WDR72: variants seen among roughly 807,000 people sequenced by gnomAD.
WDR72 encodes WD repeat-containing protein 72.
WDR72 carries 120 observed loss-of-function variants against 124.2 expected under a neutral mutation model. The ratio of observed to expected loss-of-function variants is 0.97; its 90% CI spans 0.83 to 1.12. The LOEUF is 1.12. WDR72 is among the 50% of genes most tolerant of loss of function. The probability of loss-of-function intolerance (pLI) is 0.00; values close to 1 mark genes in which losing one functional copy is unlikely to be tolerated. For missense variants in WDR72, 1,387 were observed against 1,278.8 expected (o/e 1.08, Z -1.29); for synonymous variants, 452 against 441.7 (o/e 1.02, Z -0.29).
At chr15:53,534,021 T>G (rs1029629792) in intron 18 of WDR72, among the ~76,000 whole-genome samples, 6 of 152,186 alleles carry the variant, frequency 3.9e-5, no homozygotes, top group African/African-American at 7.2e-5. Context: ...TTTTGAGACT[T>G]TGAGGCTGAT....
At chr15:53,557,251 T>C (rs908095503) in intron 18 of WDR72, among the ~76,000 whole-genome samples, 3 of 152,140 alleles carry the variant, frequency 2.0e-5, no homozygotes, top group African/African-American at 4.8e-5. Flanking sequence ...TTCTTGCCTG[T>C]TTTCTAAGTG....
intron 18 of WDR72, among the ~76,000 whole-genome samples, chr15:53,546,294 G>T (rs915500645): frequency 4.6e-5 from 7 of 152,116 alleles, no homozygotes; most frequent in African/African-American, 1.7e-4. Flanking sequence ...ACTGGATTAA[G>T]AAAATGTGGC....
intron 2 of WDR72, among the ~76,000 whole-genome samples, chr15:53,726,685 T>C (rs554920662): frequency 6.6e-6 from 1 of 151,900 alleles, no homozygotes; most frequent in African/African-American, 2.4e-5. Context: ...CTACAAATAA[T>C]TTTAAAAAAT....
chr15:53,639,542 A>AATTTTACTTATTTATAAAATTATAT lies in WDR72; in HGVS notation c.1963-23300_1963-23299insATATAATTTTATAAATAAGTAAAAT, dbSNP rs1566998303. ...TTTATTTATTTATAAAATTATATAT[A>AATTTTACTTATTTATAAAATTATAT]ATTTTATTTATTTATAAAATTATAT... On this transcript the variant is annotated intron_variant, in intron 14 of 19. Coordinates refer to ENST00000360509, the MANE Select transcript of WDR72 (RefSeq NM_182758.4). Among the ~76,000 whole-genome samples the AATTTTACTTATTTATAAAATTATAT allele has an allele frequency of 1.8e-4, 26 of 145,746 alleles. No individual in the cohort carries two copies. In the South Asian group the frequency reaches 5.5e-3, roughly 31 times the overall value.
chr15:53,746,153 C>A (rs2140888085), intron 1 of WDR72, among the ~76,000 whole-genome samples: 1 of 152,302 alleles, frequency 6.6e-6, no homozygotes, highest in Admixed American at 6.5e-5. Context: ...GGAAGGACAA[C>A]ACGCCATTAC....
In WDR72 at chr15:53,730,947, G is replaced by C. The variant is rs776750114; in HGVS notation, c.153+2050C>G. On this transcript the variant is annotated intron_variant, in intron 2 of 19. Coordinates refer to ENST00000360509, the MANE Select transcript of WDR72 (RefSeq NM_182758.4). The stretch of plus-strand genomic sequence containing the variant: ...GCTAATAGTTGATTAGTTGCAATGT[G>C]GGGGGGCAAGATTCATGGGAAAATA... 5.2e-5 allele frequency among the ~76,000 whole-genome samples: 7 copies of C among 135,058 alleles called. No homozygotes were observed. In the East Asian group the frequency reaches 7.7e-4, roughly 15 times the overall value. The allele number at this position is 135,058 out of a possible 152,430, so 88.6% of individuals were successfully genotyped here.
intron 18 of WDR72, among the ~76,000 whole-genome samples, chr15:53,578,987 A>G (rs2011772283): frequency 1.3e-5 from 2 of 152,114 alleles, no homozygotes. Flanking sequence ...GCAGGGAAGA[A>G]ATCGTTGCAA....
Position 53,708,686 on chromosome 15 carries a change from C to G in WDR72, c.954+2171G>C, listed in dbSNP as rs373401848. Among the ~76,000 whole-genome samples the G allele has an allele frequency of 3.6e-4, 55 of 152,258 alleles. 3 individuals are homozygous for G. The highest frequency in any genetic ancestry group is 2.3e-3 in the East Asian group (12 of 5,174). ...ACTCAAATGAAGTTTTTGTCATCAT[C>G]ATCACCATCATCATCATCACCATTA... On this transcript the variant is annotated intron_variant, in intron 9 of 19. Transcript: ENST00000360509.
At chr15:53,562,276 A>C (rs1299798194) in intron 18 of WDR72, among the ~76,000 whole-genome samples, 1 of 151,822 alleles carries the variant, frequency 6.6e-6, no homozygotes. Flanking sequence ...CAATTCTTGC[A>C]GCTTTTTTCC....
rs779383155 is a variant in WDR72 at position 53,712,857 on chromosome 15, A to AAC, written c.624_625dup (p.Phe209CysfsTer6). The AAC allele has an allele frequency of 7.4e-6, 12 of 1,613,858 alleles. No homozygotes were observed. The highest frequency in any genetic ancestry group is 9.3e-6 in the Non-Finnish European group (11 of 1,179,914). Reference sequence around the variant, plus strand: ...TGTCTGGCAGTTCAAGGACTCAAGAAACTTGGATTCTTTTTCATAGACATC... The same window carrying AAC: ...TGTCTGGCAGTTCAAGGACTCAAGAAACACTTGGATTCTTTTTCATAGACATC... On this transcript the variant is annotated frameshift_variant, in exon 7 of 20. Coordinates refer to ENST00000360509, the MANE Select transcript of WDR72 (RefSeq NM_182758.4). LOFTEE classifies it high-confidence loss of function.
intron 13 of WDR72, among the ~76,000 whole-genome samples, chr15:53,671,899 A>G (rs2016002381): frequency 6.6e-6 from 1 of 151,966 alleles, no homozygotes. Flanking sequence ...ACAGAGAGAG[A>G]CAGAAATGGA....
chr15:53,719,546 G>A (rs1278640490), intron 3 of WDR72, among the ~76,000 whole-genome samples: 1 of 152,090 alleles, frequency 6.6e-6, no homozygotes, highest in African/African-American at 2.4e-5. Context: ...TCAATATGAA[G>A]CATAGCATCT....
intron 13 of WDR72, 82 bp downstream of exon 13, chr15:53,699,668 T>G: frequency 6.8e-7 from 1 of 1,471,668 alleles, no homozygotes; most frequent in East Asian, 2.3e-5. Context: ...CATCACCGTG[T>G]CTTCTCTGAA....
rs1259075210 is a variant in WDR72 at position 53,739,123 on chromosome 15, GACAGCTCATTTA to G, written c.-12-5974_-12-5963del. Among the ~76,000 whole-genome samples the G allele has an allele frequency of 7.2e-5, 11 of 152,182 alleles. No individual in the cohort carries two copies. In the East Asian group the frequency reaches 2.1e-3, roughly 29 times the overall value. On this transcript the variant is annotated intron_variant, in intron 1 of 19. Transcript: ENST00000360509. ...TAAATTCTCCTAAGTAAAGCAAAAT[GACAGCTCATTTA>G]ACAGCTCATTTATATCAAAATCAAC...
In WDR72 at chr15:53,706,061, G is replaced by T. The variant is rs1363954186; in HGVS notation, c.968C>A (p.Pro323His). The change falls in exon 10 of 20, where the codon CCC becomes CAC. Residue 323 changes from proline to histidine, a missense_variant. Pro to His is a moderately conservative substitution (Grantham distance 77). Transcript: ENST00000360509. ...TTCATTCATGTAGCCCATAACAAAG[G>T]GACGGCTCTGTTCCTAAACAAAAAG... ...SVQENKEQSR[P>H]FVMGYMNERK... 6.2e-6 allele frequency: 10 copies of T among 1,613,664 alleles called. No individual in the cohort carries two copies. The highest frequency in any genetic ancestry group is 8.5e-6 in the Non-Finnish European group (10 of 1,179,954).
intron 2 of WDR72, among the ~76,000 whole-genome samples, chr15:53,726,529 T>A (rs1595876739): frequency 6.6e-6 from 1 of 152,156 alleles, no homozygotes; most frequent in East Asian, 1.9e-4. Flanking sequence ...AACAAAATTT[T>A]AACTAAATGA....
chr15:53,720,035 T>C (rs911359389), intron 3 of WDR72, among the ~76,000 whole-genome samples: 1 of 152,290 alleles, frequency 6.6e-6, no homozygotes, highest in African/African-American at 2.4e-5. Flanking sequence ...CATATGATAA[T>C]ATGTAATTGG....
chr15:53,622,216 G>A (rs570677900), intron 14 of WDR72, among the ~76,000 whole-genome samples: 16 of 152,282 alleles, frequency 1.1e-4, no homozygotes, highest in African/African-American at 3.6e-4. Context: ...AGACACTGTA[G>A]CGATTCCTCG....
At chr15:53,531,284 C>G (rs1396663426) in intron 18 of WDR72, among the ~76,000 whole-genome samples, 1 of 148,480 alleles carries the variant, frequency 6.7e-6, no homozygotes, top group Admixed American at 6.8e-5. Context: ...TATTTTACAA[C>G]TATATGATAA....
Sources: gnomAD v4.1 joint callset for allele counts (sites outside exome capture counted in the v4.1 genomes callset) on GRCh38, gnomAD v4.1.1 for gene constraint, MANE v1.5 for transcripts, NCBI Gene and HGNC (gene_info 2026-07-23, HGNC 2026-07-21) for gene names.